Variants in MDN1 observed in about 807,000 individuals in gnomAD.
MDN1 encodes the protein midasin.
MDN1 carries 266 observed loss-of-function variants against 669.2 expected under a neutral mutation model. The observed-to-expected ratio is 0.40, with a 90% confidence interval of 0.36 to 0.44. The LOEUF (loss-of-function observed/expected upper bound fraction) is 0.44. Ranked by LOEUF, MDN1 falls within the 20% of genes least tolerant of loss-of-function variation. The pLI is 1.00. For missense variants in MDN1, 5,940 were observed against 6,754.0 expected (o/e 0.88, Z 4.22); for synonymous variants, 2,385 against 2,457.1 (o/e 0.97, Z 0.87).
intron 22 of MDN1, 73 bp from the exon 23 acceptor site, chr6:89,751,655 A>C (rs200821684): frequency 6.3e-5 from 93 of 1,486,720 alleles, no homozygotes; most frequent in African/African-American, 1.4e-5. Flanking sequence ...AAGTAGGAAA[A>C]CAGCCACTTG....
chr6:89,718,393 T>C lies in MDN1; in HGVS notation c.6556A>G (p.Asn2186Asp), dbSNP rs377100758. 40 of 1,613,920 alleles carry C rather than the reference T, an allele frequency of 2.5e-5. No individual in the cohort carries two copies. Among genetic ancestry groups the C allele is most frequent in the Admixed American group, 5.0e-5 (3 of 60,012 alleles). The change falls in exon 43 of 102, where the codon AAT becomes GAT. Residue 2186 changes from asparagine to aspartate, a missense_variant. By Grantham distance (23) the Asn-to-Asp change is conservative. Transcript: ENST00000369393. ...AVLLLMQRLN[N>D]KINSYCKAEF... Reference sequence around the variant, plus strand: ...GCCTTGCAGTATGAGTTGATTTTATTGTTGAGTCGCTGCATAAGCAATAAC... The same window carrying C: ...GCCTTGCAGTATGAGTTGATTTTATCGTTGAGTCGCTGCATAAGCAATAAC...
At chr6:89,757,738 C>T (rs7766433) in intron 19 of MDN1, among the ~76,000 whole-genome samples, 147,919 of 152,254 alleles carry the variant, frequency 0.97, 71,866 homozygotes, top group East Asian at 1. Flanking sequence ...CGAAATCCCA[C>T]GTCTGCTAAA....
chr6:89,686,108 A>T, intron 69 of MDN1, 135 bp from the exon 70 acceptor site: 1 of 829,438 alleles, frequency 1.2e-6, no homozygotes, highest in Non-Finnish European at 1.8e-6. Context: ...TCAAGCAAGG[A>T]CCATGGCTAA....
rs1297723939 is a variant in MDN1 at position 89,692,926 on chromosome 6, A to G, written c.10104T>C (p.Leu3368=). 1 of 1,614,052 alleles carries G rather than the reference A, an allele frequency of 6.2e-7. No homozygotes were observed. Among genetic ancestry groups the G allele is most frequent in the African/African-American group, 1.3e-5 (1 of 74,924 alleles). ...GPRSAQVAQS[L]LKEEASWQQS... is the part of the protein sequence containing the mutation. ...GCTGCCAAGAGGCCTCCTCCTTTAGAAGGCTCTGGGCTACTTGGGCAGACC... is the reference window on the plus strand; with the variant it reads ...GCTGCCAAGAGGCCTCCTCCTTTAGGAGGCTCTGGGCTACTTGGGCAGACC... The change falls in exon 63 of 102, where the codon CTT becomes CTC. Residue 3368 remains leucine (L), a synonymous_variant. Transcript: ENST00000369393.
intron 99 of MDN1, among the ~76,000 whole-genome samples, chr6:89,647,176 T>G (rs1007530484): frequency 1.3e-5 from 2 of 152,194 alleles, no homozygotes; most frequent in East Asian, 3.8e-4. Context: ...AAAGAAGTGC[T>G]TCCCTGGGGC....
chr6:89,653,654 C>G (rs1319161738), intron 93 of MDN1, among the ~76,000 whole-genome samples: 1 of 152,170 alleles, frequency 6.6e-6, no homozygotes, highest in Non-Finnish European at 1.5e-5. Flanking sequence ...AAGAAAAAGC[C>G]TCTGAATTTG....
chr6:89,766,812 A>C (rs576422995), intron 15 of MDN1, among the ~76,000 whole-genome samples: 2 of 152,354 alleles, frequency 1.3e-5, no homozygotes, highest in East Asian at 3.8e-4. Context: ...TGCTCCTGCC[A>C]TATGCTCTTC....
chr6:89,780,396 A>G (rs1303483158), intron 10 of MDN1, 103 bp from the exon 11 acceptor site: 4 of 562,894 alleles, frequency 7.1e-6, no homozygotes, highest in Non-Finnish European at 1.2e-5. Flanking sequence ...GGCATACCTG[A>G]TAACTTTCTT....
rs1350431197 is a variant in MDN1 at position 89,688,100 on chromosome 6, T to C, written c.11333A>G (p.Glu3778Gly). The stretch of plus-strand genomic sequence containing the variant: ...CACCTGTGCCTTTGCCAGAAGGATC[T>C]CTAAGCCATTCAGGAACTTTGAGAT... The part of the protein sequence containing the change: ...SPISKFLNGL[E>G]ILLAKAQDWE... The change falls in exon 67 of 102, where the codon GAG (glutamate) becomes GGG (glycine). Residue 3778 changes from glutamate to glycine, a missense_variant. By Grantham distance (98) the Glu-to-Gly change is moderately conservative. Around this residue, in one of 5 missense-constraint regions of MDN1, gnomAD observed 2,280 missense variants for 2,576.3 expected, o/e 0.88. Coordinates refer to ENST00000369393, the MANE Select transcript of MDN1 (RefSeq NM_014611.3). The C allele has an allele frequency of 6.2e-7, 1 of 1,613,996 alleles. No individual in the cohort carries two copies. Among genetic ancestry groups the C allele is most frequent in the Non-Finnish European group, 8.5e-7 (1 of 1,179,946 alleles).
rs996273417 is a variant in MDN1, at chr6:89,758,134, G to A, written c.2702+121C>T. The A allele has an allele frequency of 5.6e-6, 4 of 713,178 alleles. No individual in the cohort carries two copies. The African/African-American group carries it at 7.1e-5, about 13-fold the overall frequency. 44.2% of individuals were successfully genotyped at this position (713,178 alleles called of 1,614,324 possible). A position where few individuals can be genotyped will look rare whatever the true frequency, so the allele number is the denominator to read the frequency against. ...GATTCTGAGGTGGGAGGTGGGAGGT[G>A]GGAGGACTGCTTGAACCGGGGACTT... On this transcript the variant is annotated intron_variant, in intron 19 of 101. Coordinates refer to ENST00000369393, the MANE Select transcript of MDN1 (RefSeq NM_014611.3).
intron 7 of MDN1, among the ~76,000 whole-genome samples, chr6:89,788,198 T>C (rs1819068613): frequency 6.6e-6 from 1 of 152,098 alleles, no homozygotes; most frequent in Admixed American, 6.5e-5. Context: ...GACACAAGAA[T>C]ACAGACAGGA....
In MDN1 at chr6:89,648,032, C is replaced by G. The variant is rs1808596114; in HGVS notation, c.16395G>C (p.Gln5465His). 1.9e-6 allele frequency: 3 copies of G among 1,606,884 alleles called. No homozygotes were observed. Among genetic ancestry groups the G allele is most frequent in the African/African-American group, 2.7e-5 (2 of 74,778 alleles). The change falls in exon 99 of 102, where the codon CAG becomes CAC. Residue 5465 changes from glutamine to histidine, a missense_variant and splice_region_variant. Around this residue, in one of 5 missense-constraint regions of MDN1, gnomAD observed 2,280 missense variants for 2,576.3 expected, o/e 0.88. Coordinates refer to ENST00000369393, the MANE Select transcript of MDN1 (RefSeq NM_014611.3). ...KFQQKKTKIA[Q>H]FLESVANMFA... ...AAGACATTTTATTTCATCCTCTTAC[C>G]TGAGCAATCTTGGTTTTCTTTTGTT...
intron 1 of MDN1, among the ~76,000 whole-genome samples, chr6:89,817,419 A>G (rs570028736): frequency 6.6e-6 from 1 of 152,346 alleles, no homozygotes; most frequent in East Asian, 1.9e-4. Context: ...CACTACAGCT[A>G]CACAATCCCC....
intron 8 of MDN1, among the ~76,000 whole-genome samples, chr6:89,785,614 C>A (rs1425335463): frequency 6.6e-6 from 1 of 152,116 alleles, no homozygotes; most frequent in Non-Finnish European, 1.5e-5. Flanking sequence ...TATGCATAGG[C>A]CACTTAGTCC....
At position 89,688,156 on chromosome 6, in the gene MDN1, G is replaced by C. The variant is rs114399464; in HGVS notation, c.11277C>G (p.Asp3759Glu). Reference sequence around the variant, plus strand: ...TGGAAAGTGGGAAACTACGAATTCTGTCCATTACAACCAGGAGCTGCAGAA... The same window carrying C: ...TGGAAAGTGGGAAACTACGAATTCTCTCCATTACAACCAGGAGCTGCAGAA... ...PALEQLLVVM[D>E]RIRSFPLSSP... The change falls in exon 67 of 102, where the codon GAC becomes GAG. Residue 3759 changes from aspartate to glutamate, a missense_variant. By Grantham distance (45) the Asp-to-Glu change is conservative. This residue lies in a region of MDN1 where 2,280 missense variants were observed against 2,576.3 expected (regional missense o/e 0.88). Coordinates refer to ENST00000369393, the MANE Select transcript of MDN1 (RefSeq NM_014611.3). 1.2e-4 allele frequency: 201 copies of C among 1,613,950 alleles called. No individual in the cohort carries two copies. The East Asian group carries it at 4.4e-3, about 35-fold the overall frequency.
rs1455933217 is a variant in MDN1 at position 89,795,149 on chromosome 6, G to A, written c.330-348C>T. On this transcript the variant is annotated intron_variant, in intron 2 of 101. Coordinates refer to ENST00000369393, the MANE Select transcript of MDN1 (RefSeq NM_014611.3). ...TCTAAAGTAATTACCTACAAAATCGGGGGGTACTTAATGTAAGTGTTTACA... is the reference window on the plus strand; with the variant it reads ...TCTAAAGTAATTACCTACAAAATCGAGGGGTACTTAATGTAAGTGTTTACA... Among the ~76,000 whole-genome samples the A allele has an allele frequency of 2.0e-5, 3 of 152,108 alleles. No individual in the cohort carries two copies. In the East Asian group the frequency reaches 5.8e-4, roughly 29 times the overall value.
rs75553383 is a variant in MDN1 at position 89,692,671 on chromosome 6, A to G, written c.10359T>C (p.Tyr3453=). 1.1e-5 allele frequency: 18 copies of G among 1,614,240 alleles called. No individual in the cohort carries two copies. The East Asian group carries it at 4.0e-4, about 36-fold the overall frequency. Residue 3453 remains tyrosine, a synonymous_variant, in exon 63 of 102, where the codon TAT becomes TAC. Transcript: ENST00000369393. ...PSVGPTFPTY[Y]AHADTLCSVK... ...CCGAGCACAAAGTGTCTGCATGAGC[A>G]TAGTAAGTCGGGAAGGTGGGGCCCA... is the stretch of plus-strand genomic sequence containing the variant.
intron 38 of MDN1, 76 bp from the exon 39 acceptor site, chr6:89,723,695 A>C (rs1391077991): frequency 1.1e-5 from 8 of 739,718 alleles, no homozygotes; most frequent in African/African-American, 1.8e-5. Context: ...ACCATGTCTT[A>C]TTATGCAAAA....
Position 89,656,799 on chromosome 6 carries a change from T to C in MDN1, c.15186A>G (p.Glu5062=). ...AAPEKEQGKE[E]HGSGAADANQ... Reference sequence around the variant, plus strand: ...TTGCATCTGCAGCTCCACTTCCGTGTTCCTAGGAAATCCAAGCCACAAAAG... The same window carrying C: ...TTGCATCTGCAGCTCCACTTCCGTGCTCCTAGGAAATCCAAGCCACAAAAG... Residue 5062 remains glutamate (E), a splice_region_variant and synonymous_variant, in exon 91 of 102, where the codon GAA becomes GAG. Coordinates refer to ENST00000369393, the MANE Select transcript of MDN1 (RefSeq NM_014611.3). The C allele has an allele frequency of 6.2e-7, 1 of 1,612,194 alleles. No homozygotes were observed. Among genetic ancestry groups the C allele is most frequent in the Non-Finnish European group, 8.5e-7 (1 of 1,179,204 alleles).
Sources: allele counts gnomAD v4.1 joint callset (sites outside exome capture counted in the v4.1 genomes callset), GRCh38; gene constraint gnomAD v4.1.1; regional missense constraint gnomAD v4.1.1; transcripts MANE v1.5; gene names NCBI Gene and HGNC (gene_info 2026-07-23, HGNC 2026-07-21).